Variants in MAML1 observed in about 807,000 individuals in gnomAD.
MAML1 encodes mastermind like transcriptional coactivator 1, also known as mastermind-like protein 1.
In MAML1, 14 loss-of-function variants were observed where a neutral mutation model predicts 77.1. That is an observed-to-expected ratio of 0.18 (90% confidence interval 0.12 to 0.28). The LOEUF (loss-of-function observed/expected upper bound fraction) is 0.28, where lower values mean the gene tolerates loss of function less well. Among genes scored for constraint, MAML1 ranks in the 10% least tolerant of loss-of-function variants. The pLI, the probability that MAML1 is intolerant of heterozygous loss-of-function variation, is 1.00. For synonymous variants in MAML1, 516 were observed against 551.9 expected (o/e 0.93, Z 0.91); for missense variants, 1,217 against 1,327.8 (o/e 0.92, Z 1.30).
At position 179,733,246 on chromosome 5, in the gene MAML1, C is replaced by T; in HGVS notation, c.134C>T (p.Ser45Leu). Residue 45 changes from serine to leucine, a missense_variant, in exon 1 of 5, where the codon TCG becomes TTG. By Grantham distance (145) the Ser-to-Leu change is moderately radical. Transcript: ENST00000292599. ...STCEARYEAV[S>L]PERLELERQH... ...TGCGAGGCCCGCTACGAGGCCGTGT[C>T]GCCCGAGCGCCTGGAGCTGGAGCGC... is the stretch of plus-strand genomic sequence containing the variant. The T allele has an allele frequency of 2.0e-6, 3 of 1,473,622 alleles. No homozygotes were observed. Among genetic ancestry groups the T allele is most frequent in the Non-Finnish European group, 1.8e-6 (2 of 1,115,230 alleles). The allele number at this position is 1,473,622 out of a possible 1,614,324, so 91.3% of individuals were successfully genotyped here.
chr5:179,751,894 C>A (rs950157850), intron 1 of MAML1, among the ~76,000 whole-genome samples: 1 of 151,974 alleles, frequency 6.6e-6, no homozygotes, highest in African/African-American at 2.4e-5. Context: ...GTTCCAGCTA[C>A]TAGGGAGGCT....
Position 179,732,978 on chromosome 5 carries a change from C to T in MAML1, c.-135C>T. The T allele has an allele frequency of 2.1e-6, 1 of 468,198 alleles. No homozygotes were observed. The highest frequency in any genetic ancestry group is 5.0e-5 in the Admixed American group (1 of 20,160). The allele number at this position is 468,198 out of a possible 1,614,324, so 29.0% of individuals were successfully genotyped here. ...CAGGAGGAAAACCCGCCGCCGCGCG[C>T]GAGCCCGCTCCGCTGCCCTCGGGGG... On this transcript the variant is annotated 5_prime_UTR_variant, in exon 1 of 5. Coordinates refer to ENST00000292599, the MANE Select transcript of MAML1 (RefSeq NM_014757.5).
In MAML1 at chr5:179,766,090, T is replaced by C. The variant is rs1183529073; in HGVS notation, c.1080T>C (p.Ser360=). The C allele has an allele frequency of 6.3e-7, 1 of 1,584,526 alleles. No individual in the cohort carries two copies. The highest frequency in any genetic ancestry group is 1.8e-5 in the Admixed American group (1 of 55,172). The change falls in exon 2 of 5, where the codon AGT becomes AGC. Residue 360 remains serine, a synonymous_variant. Transcript: ENST00000292599. This position sits in a 1 kb window ranked among gnomAD's most constrained non-coding sequence, Gnocchi z 4.0. The part of the protein sequence containing the change: ...TSGQPRADNP[S]PNLMPASAQA... ...GTCAGCCCCGGGCGGACAATCCCAG[T>C]CCAAACCTGATGCCGGCATCAGCCC...
chr5:179,767,093 G>A (rs941020925), intron 2 of MAML1, among the ~76,000 whole-genome samples: 1 of 136,818 alleles, frequency 7.3e-6, no homozygotes, highest in African/African-American at 2.8e-5. Context: ...TTAGAGGCTT[G>A]GCTTTTTTTT....
chr5:179,764,518 G>C (rs1430930137), intron 1 of MAML1, among the ~76,000 whole-genome samples: 1 of 151,872 alleles, frequency 6.6e-6, no homozygotes, highest in Non-Finnish European at 1.5e-5. Flanking sequence ...AAATTAGCTG[G>C]GCATGGTGGC....
rs1756077133 is a variant in MAML1 at position 179,774,250 on chromosome 5, C to T, written c.2424C>T (p.Ser808=). 4 of 1,613,462 alleles carry T rather than the reference C, an allele frequency of 2.5e-6. No individual in the cohort carries two copies. The highest frequency in any genetic ancestry group is 3.4e-6 in the Non-Finnish European group (4 of 1,179,936). Residue 808 remains serine, a synonymous_variant, in exon 5 of 5, where the codon TCC becomes TCT. Transcript: ENST00000292599. ...GQNSLGSSGL[S]QQHNKGTLNP... is the part of the protein sequence containing the mutation. ...ACTCTCTGGGAAGCTCTGGCCTCTC[C>T]CAGCAGCACAATAAGGGGACCCTGA...
chr5:179,737,347 C>T (rs938395370), intron 1 of MAML1, among the ~76,000 whole-genome samples: 1 of 152,102 alleles, frequency 6.6e-6, no homozygotes, highest in African/African-American at 2.4e-5. Context: ...GTCATCGGAA[C>T]AGAAGATAAG....
chr5:179,772,754 G>A (rs775609891), intron 4 of MAML1, among the ~76,000 whole-genome samples: 2 of 152,122 alleles, frequency 1.3e-5, no homozygotes, highest in Non-Finnish European at 2.9e-5. Context: ...CTGGTGAGAT[G>A]TTGTCACACA....
intron 2 of MAML1, among the ~76,000 whole-genome samples, chr5:179,768,341 C>T (rs138054108): frequency 0.014 from 2,088 of 152,326 alleles, 41 homozygotes; most frequent in African/African-American, 0.044. Context: ...CCTCTAATCC[C>T]AGCTACTCAG....
intron 1 of MAML1, among the ~76,000 whole-genome samples, chr5:179,762,726 C>CT (rs1420926007): frequency 1.3e-5 from 2 of 152,150 alleles, no homozygotes; most frequent in African/African-American, 4.8e-5. Flanking sequence ...TATTGTGATT[C>CT]TTTGAGTTCA....
In MAML1 at chr5:179,771,679, G is replaced by A. The variant is rs1755993883; in HGVS notation, c.2068+436G>A. On this transcript the variant is annotated intron_variant, in intron 4 of 4. Coordinates refer to ENST00000292599, the MANE Select transcript of MAML1 (RefSeq NM_014757.5). This position sits in a 1 kb window ranked among gnomAD's most constrained non-coding sequence, Gnocchi z 4.7. ...TCTGCTCACTTGAATATCACAGATG[G>A]CAGCATCACTAGTGGACAGTTGGCC... Among the ~76,000 whole-genome samples the A allele has an allele frequency of 6.6e-6, 1 of 152,196 alleles. No individual in the cohort carries two copies. The highest frequency in any genetic ancestry group is 6.5e-5 in the Admixed American group (1 of 15,278).
chr5:179,752,935 A>G (rs1005768863), intron 1 of MAML1, among the ~76,000 whole-genome samples: 1 of 152,110 alleles, frequency 6.6e-6, no homozygotes, highest in South Asian at 2.1e-4. Context: ...CATCATGCCC[A>G]GCTAATTTTT....
At chr5:179,747,124 T>G (rs1017511477) in intron 1 of MAML1, among the ~76,000 whole-genome samples, 1 of 152,238 alleles carries the variant, frequency 6.6e-6, no homozygotes, top group African/African-American at 2.4e-5. Context: ...CCCTAGTAGC[T>G]GGGATTACAG....
At chr5:179,763,828 A>G (rs1048158720) in intron 1 of MAML1, among the ~76,000 whole-genome samples, 1 of 150,736 alleles carries the variant, frequency 6.6e-6, no homozygotes, top group African/African-American at 2.4e-5. Context: ...GTCTAAAGAT[A>G]ATAATGAGGG....
At chr5:179,746,056 A>C (rs1048742392) in intron 1 of MAML1, among the ~76,000 whole-genome samples, 30 of 150,114 alleles carry the variant, frequency 2.0e-4, no homozygotes, top group African/African-American at 7.1e-4. Flanking sequence ...CAAAACCAAA[A>C]AAAATGGCTT....
At position 179,765,462 on chromosome 5, in the gene MAML1, C is replaced by G. The variant is rs200741540; in HGVS notation, c.452C>G (p.Ser151Cys). Residue 151 changes from serine (S) to cysteine (C), a missense_variant, in exon 2 of 5, where the codon TCT becomes TGT. Ser to Cys is a moderately radical substitution (Grantham distance 112, BLOSUM62 -1). Around this residue, in one of 3 missense-constraint regions of MAML1, gnomAD observed 312 missense variants for 331.4 expected, o/e 0.94. Transcript: ENST00000292599. ...RREAPLGVAI[S>C]SNGLPPASPL... The stretch of plus-strand genomic sequence containing the variant: ...GAGGCCCCTCTGGGAGTTGCCATCT[C>G]TTCCAATGGACTGCCTCCAGCCTCC... 6.2e-7 allele frequency: 1 copy of G among 1,614,214 alleles called. No homozygotes were observed.
chr5:179,739,542 A>G (rs1779238702), intron 1 of MAML1, among the ~76,000 whole-genome samples: 2 of 152,322 alleles, frequency 1.3e-5, no homozygotes, highest in South Asian at 4.1e-4. Context: ...TCTCTATAAA[A>G]GCATGGTGGC....
chr5:179,752,325 CAAAAAA>C (rs1177449054), intron 1 of MAML1, among the ~76,000 whole-genome samples: 40 of 53,634 alleles, frequency 7.5e-4, no homozygotes, highest in South Asian at 2.0e-3. Context: ...ACTCTGTCTC[CAAAAAA>C]AAAAAAAAAA....
rs1756090632 is a variant in MAML1, at chr5:179,774,570, C to T, written c.2744C>T (p.Pro915Leu). The T allele has an allele frequency of 1.2e-6, 2 of 1,612,716 alleles. No individual in the cohort carries two copies. Among genetic ancestry groups the T allele is most frequent in the African/African-American group, 1.3e-5 (1 of 75,078 alleles). Reference sequence around the variant, plus strand: ...AGTGCACAGCAGAGGACCAGCGCCCCTGCCCCAGCACCACCCCCAACAGCC... The same window carrying T: ...AGTGCACAGCAGAGGACCAGCGCCCTTGCCCCAGCACCACCCCCAACAGCC... ...PVSAQQRTSA[P>L]APAPPPTAPQ... Residue 915 changes from proline to leucine, a missense_variant, in exon 5 of 5, where the codon CCT becomes CTT. This residue lies in a region of MAML1 where 884 missense variants were observed against 949.3 expected (regional missense o/e 0.93). Transcript: ENST00000292599.
Sources: gnomAD v4.1 joint callset for allele counts (sites outside exome capture counted in the v4.1 genomes callset) on GRCh38, gnomAD v4.1.1 for gene constraint, gnomAD v4.1.1 regional missense constraint, Gnocchi (gnomAD v3.1) non-coding constraint, MANE v1.5 for transcripts, NCBI Gene and HGNC (gene_info 2026-07-23, HGNC 2026-07-21) for gene names.